The following MEAF6 variants were observed in gnomAD, a reference collection of about 807,000 sequenced individuals.
The protein encoded by MEAF6 is MYST/Esa1 associated factor 6.
In MEAF6, 15 loss-of-function variants were observed where a neutral mutation model predicts 28.9. The ratio of observed to expected loss-of-function variants is 0.52; its 90% CI spans 0.35 to 0.80. The LOEUF (loss-of-function observed/expected upper bound fraction) is 0.80. MEAF6 is among the 30% of genes least tolerant of loss of function. The pLI is 0.01. For missense variants in MEAF6, 178 were observed against 237.5 expected (o/e 0.75, Z 1.65); for synonymous variants, 97 against 88.7 (o/e 1.09, Z -0.53).
chr1:37,502,588 G>A (rs1223035657), intron 4 of MEAF6, among the ~76,000 whole-genome samples: 1 of 145,740 alleles, frequency 6.9e-6, no homozygotes, highest in African/African-American at 2.5e-5. Context: ...TAACCTTTAA[G>A]CTCTGTTGAA....
chr1:37,508,026 G>A (rs1642542353), intron 4 of MEAF6, among the ~76,000 whole-genome samples: 1 of 151,994 alleles, frequency 6.6e-6, no homozygotes, highest in Non-Finnish European at 1.5e-5. Context: ...TCTGAAAGAA[G>A]TACACAGTAA....
rs914321098 is a variant in MEAF6, at chr1:37,491,544, T to C, written c.*2555A>G. On this transcript the variant is annotated 3_prime_UTR_variant, in exon 7 of 7. Coordinates refer to ENST00000296214, the MANE Select transcript of MEAF6 (RefSeq NM_001270875.3). ...AGCCATCATTACAAAATAAAAATGT[T>C]TTAAATTAGCTGGGAATGGTGGCAT... is the stretch of plus-strand genomic sequence containing the variant. 6.6e-6 allele frequency among the ~76,000 whole-genome samples: 1 copy of C among 152,014 alleles called. No homozygotes were observed. Among genetic ancestry groups the C allele is most frequent in the Non-Finnish European group, 1.5e-5 (1 of 68,000 alleles).
At chr1:37,506,163 CGA>C (rs1295545556) in intron 4 of MEAF6, among the ~76,000 whole-genome samples, 1 of 151,906 alleles carries the variant, frequency 6.6e-6, no homozygotes. Context: ...CCCAGCTACT[CGA>C]GAGGCTGAGG....
chr1:37,502,553 CTT>C (rs1642346895), intron 4 of MEAF6, among the ~76,000 whole-genome samples: 2 of 114,432 alleles, frequency 1.7e-5, no homozygotes, highest in Non-Finnish European at 1.9e-5. Context: ...ATTGTTTTTT[CTT>C]GTTTTTTTTT....
At chr1:37,496,381 C>T (rs936644427) in intron 5 of MEAF6, among the ~76,000 whole-genome samples, 1 of 152,110 alleles carries the variant, frequency 6.6e-6, no homozygotes, top group Non-Finnish European at 1.5e-5. Flanking sequence ...TTAAATCTTT[C>T]CAAAGCAAAA....
chr1:37,496,802 G>A (rs1437600397), intron 5 of MEAF6: 4 of 1,513,480 alleles, frequency 2.6e-6, no homozygotes, highest in African/African-American at 1.4e-5. Flanking sequence ...TAAATTAGTC[G>A]ATTAGCCACC....
At chr1:37,495,704 C>CAAAA (rs1217893546) in intron 6 of MEAF6, among the ~76,000 whole-genome samples, 181 bp downstream of exon 6, 6 of 64,498 alleles carry the variant, frequency 9.3e-5, no homozygotes, top group Non-Finnish European at 1.7e-4. Flanking sequence ...AAACAAAAAA[C>CAAAA]AAAAAAAAAA....
At chr1:37,512,976 G>A (rs1446168115) in intron 2 of MEAF6, among the ~76,000 whole-genome samples, 2 of 151,942 alleles carry the variant, frequency 1.3e-5, no homozygotes, top group African/African-American at 2.4e-5. Context: ...GATCACCTGA[G>A]GTCAGGAGTT....
At position 37,491,511 on chromosome 1, in the gene MEAF6, T is replaced by C. The variant is rs561981630; in HGVS notation, c.*2588A>G. Among the ~76,000 whole-genome samples the C allele has an allele frequency of 1.3e-5, 2 of 152,100 alleles. No individual in the cohort carries two copies. The highest frequency in any genetic ancestry group is 1.9e-4 in the East Asian group (1 of 5,192). ...CTGCTTGAGGCCAGCCTGGGCAACA[T>C]AGCAAGAAGCCATCATTACAAAATA... On this transcript the variant is annotated 3_prime_UTR_variant, in exon 7 of 7. Coordinates refer to ENST00000296214, the MANE Select transcript of MEAF6 (RefSeq NM_001270875.3).
intron 4 of MEAF6, among the ~76,000 whole-genome samples, chr1:37,506,577 T>C (rs1557610391): frequency 6.6e-6 from 1 of 152,122 alleles, no homozygotes; most frequent in Non-Finnish European, 1.5e-5. Context: ...AGAGATAGGG[T>C]CCACTATGTT....
Position 37,514,765 on chromosome 1 carries a change from G to GCGGCGGCGCGAGGTTGGGGGCGGTCC in MEAF6, c.-20_-19insGGACCGCCCCCAACCTCGCGCCGCCG. ...TCGCCATGTTGGGCTGAGGCGGGCG[G>GCGGCGGCGCGAGGTTGGGGGCGGTCC]CGGCGGCGCGAGGTTGGGGGCGGTC... is the stretch of plus-strand genomic sequence containing the variant. On this transcript the variant is annotated 5_prime_UTR_variant, in exon 1 of 7. Transcript: ENST00000296214. The GCGGCGGCGCGAGGTTGGGGGCGGTCC allele has an allele frequency of 7.0e-7, 1 of 1,432,344 alleles. No homozygotes were observed. Among genetic ancestry groups the GCGGCGGCGCGAGGTTGGGGGCGGTCC allele is most frequent in the East Asian group, 3.1e-5 (1 of 31,786 alleles). The allele number at this position is 1,432,344 out of a possible 1,614,324, so 88.7% of individuals were successfully genotyped here.
In MEAF6 at chr1:37,493,572, T is replaced by C. The variant is rs1642009546; in HGVS notation, c.*527A>G. On this transcript the variant is annotated 3_prime_UTR_variant, in exon 7 of 7. Coordinates refer to ENST00000296214, the MANE Select transcript of MEAF6 (RefSeq NM_001270875.3). The stretch of plus-strand genomic sequence containing the variant: ...ACTGCATGAAAGAGATGATCAGATA[T>C]GTCAGCAGGAAAGTATGAGCTGTAC... 1 of 582,038 alleles carries C rather than the reference T, an allele frequency of 1.7e-6. No individual in the cohort carries two copies. The highest frequency in any genetic ancestry group is 3.1e-6 in the Non-Finnish European group (1 of 327,710). The allele number at this position is 582,038 out of a possible 1,614,324, so 36.1% of individuals were successfully genotyped here.
At chr1:37,500,721 G>C (rs1275710954) in intron 5 of MEAF6, among the ~76,000 whole-genome samples, 1 of 152,170 alleles carries the variant, frequency 6.6e-6, no homozygotes, top group African/African-American at 2.4e-5. Context: ...ATTACCCCCA[G>C]GCACTGTCAT....
In MEAF6 at chr1:37,512,988, G is replaced by A. The variant is rs1036930284; in HGVS notation, c.206+435C>T. 3.9e-5 allele frequency among the ~76,000 whole-genome samples: 6 copies of A among 151,988 alleles called. 1 individual carries two copies. The South Asian group carries it at 6.2e-4, about 16-fold the overall frequency. ...GCAGATCACCTGAGGTCAGGAGTTCGAGACCAGCCAGGCCAACATGGAGAA... is the reference window on the plus strand; with the variant it reads ...GCAGATCACCTGAGGTCAGGAGTTCAAGACCAGCCAGGCCAACATGGAGAA... On this transcript the variant is annotated intron_variant, in intron 2 of 6. Transcript: ENST00000296214.
intron 2 of MEAF6, among the ~76,000 whole-genome samples, chr1:37,511,479 GTA>G (rs1642669174): frequency 6.6e-6 from 1 of 152,212 alleles, no homozygotes; most frequent in African/African-American, 2.4e-5. Context: ...AGAGGGAGCA[GTA>G]TATTCATAAT....
At chr1:37,502,530 T>C (rs1028574982) in intron 4 of MEAF6, among the ~76,000 whole-genome samples, 1 of 150,588 alleles carries the variant, frequency 6.6e-6, no homozygotes. Context: ...TGAATTACTC[T>C]GATAAGTTTT....
intron 1 of MEAF6, chr1:37,513,758 A>T (rs1170958253): frequency 1.7e-6 from 1 of 576,512 alleles, no homozygotes; most frequent in Admixed American, 3.0e-5. Flanking sequence ...GCATGTCTCC[A>T]GAAAAATACA....
At chr1:37,504,935 G>A (rs557747699) in intron 4 of MEAF6, among the ~76,000 whole-genome samples, 2 of 151,998 alleles carry the variant, frequency 1.3e-5, no homozygotes, top group Admixed American at 6.6e-5. Context: ...CCAGGCTGGA[G>A]TACAGTGGCG....
intron 6 of MEAF6, among the ~76,000 whole-genome samples, 178 bp downstream of exon 6, chr1:37,495,704 CAAA>C (rs1217893546): frequency 1.2e-4 from 8 of 64,456 alleles, no homozygotes; most frequent in East Asian, 4.1e-4. Flanking sequence ...AAACAAAAAA[CAAA>C]AAAAAAAAAA....
Sources: gnomAD v4.1 joint callset for allele counts (sites outside exome capture counted in the v4.1 genomes callset) on GRCh38, gnomAD v4.1.1 for gene constraint, MANE v1.5 for transcripts, NCBI Gene and HGNC (gene_info 2026-07-23, HGNC 2026-07-21) for gene names.